CPED1: variants seen among roughly 807,000 people sequenced by gnomAD.
The protein encoded by CPED1 is cadherin-like and PC-esterase domain-containing protein 1.
Under a neutral mutation model 128.2 loss-of-function variants are expected in CPED1, and 114 were observed. That is an observed-to-expected ratio of 0.89 (90% CI 0.76 to 1.04). CPED1 has a LOEUF of 1.04. Ranked by LOEUF, CPED1 falls within the 50% of genes least tolerant of loss-of-function variation. CPED1 has a pLI of 0.00. For missense variants in CPED1, 1,211 were observed against 1,207.1 expected (o/e 1.00, Z -0.05); for synonymous variants, 462 against 426.7 (o/e 1.08, Z -1.02).
chr7:121,269,469 G>A (rs1275426869), intron 21 of CPED1, among the ~76,000 whole-genome samples: 1 of 152,014 alleles, frequency 6.6e-6, no homozygotes, highest in Admixed American at 6.6e-5. Context: ...AGAAATGCAT[G>A]TCTTTTTGGT....
chr7:121,160,220 A>G (rs1022662952), intron 16 of CPED1, among the ~76,000 whole-genome samples: 7 of 152,102 alleles, frequency 4.6e-5, no homozygotes, highest in Non-Finnish European at 1.0e-4. Context: ...TTACATCACT[A>G]TTACATTATA....
intron 16 of CPED1, among the ~76,000 whole-genome samples, chr7:121,155,736 C>G (rs1387148019): frequency 3.3e-5 from 5 of 152,092 alleles, no homozygotes; most frequent in Admixed American, 3.3e-4. Flanking sequence ...AATCTGAAAC[C>G]TGAAACTATA....
chr7:121,271,811 G>A (rs1792234861), intron 22 of CPED1, among the ~76,000 whole-genome samples: 1 of 152,122 alleles, frequency 6.6e-6, no homozygotes, highest in Admixed American at 6.6e-5. Context: ...ACTACTTAAT[G>A]TGCTAAACTA....
intron 16 of CPED1, among the ~76,000 whole-genome samples, chr7:121,228,521 CTT>C (rs1330855360): frequency 6.7e-6 from 1 of 148,410 alleles, no homozygotes; most frequent in Non-Finnish European, 1.5e-5. Context: ...AAAGAGAACT[CTT>C]ATACACTCTT....
chr7:121,031,012 C>T lies in CPED1; in HGVS notation c.433+15164C>T, dbSNP rs115434526. On this transcript the variant is annotated intron_variant, in intron 3 of 22. Transcript: ENST00000310396. ...TTCATGTCATAAATGGTGGAGTTGA[C>T]GCTTGACCCAAGGGTCAGTTTATCA... Among the ~76,000 whole-genome samples the T allele has an allele frequency of 4.4e-3, 676 of 152,294 alleles. 5 individuals carry two copies. Among genetic ancestry groups the T allele is most frequent in the African/African-American group, 0.015 (634 of 41,558 alleles).
intron 5 of CPED1, among the ~76,000 whole-genome samples, chr7:121,084,664 T>A (rs1265901121): frequency 6.6e-6 from 1 of 152,192 alleles, no homozygotes; most frequent in Non-Finnish European, 1.5e-5. Context: ...ATAAAACTGA[T>A]TAAAATGAGT....
At chr7:121,293,799 G>A (rs986356825) in intron 22 of CPED1, among the ~76,000 whole-genome samples, 3 of 151,796 alleles carry the variant, frequency 2.0e-5, no homozygotes, top group South Asian at 2.1e-4. Flanking sequence ...GTGAGGCAAC[G>A]CCTCACCCTG....
chr7:121,082,065 G>A (rs922476346), intron 5 of CPED1, among the ~76,000 whole-genome samples: 4 of 152,134 alleles, frequency 2.6e-5, no homozygotes, highest in Non-Finnish European at 5.9e-5. Flanking sequence ...CAGAAATCAG[G>A]AATCCTATGG....
intron 3 of CPED1, among the ~76,000 whole-genome samples, chr7:121,037,245 T>C (rs1272247693): frequency 6.6e-6 from 1 of 152,192 alleles, no homozygotes; most frequent in Non-Finnish European, 1.5e-5. Context: ...TTTCTGATGT[T>C]GTCTTCTAGA....
At position 121,199,673 on chromosome 7, in the gene CPED1, C is replaced by CA. The variant is rs1160203035; in HGVS notation, c.2056-37014dup. The stretch of plus-strand genomic sequence containing the variant: ...GCCTGGCAACAGAGTGAGACTCCAT[C>CA]AAAAAAAAAAAAAAAAAAAAAAAAA... On this transcript the variant is annotated intron_variant, in intron 16 of 22. Transcript: ENST00000310396. 1.6e-4 allele frequency among the ~76,000 whole-genome samples: 14 copies of CA among 86,938 alleles called. 1 individual carries two copies. Among genetic ancestry groups the CA allele is most frequent in the African/African-American group, 6.5e-4 (14 of 21,652 alleles). 57.0% of individuals were successfully genotyped at this position (86,938 alleles called of 152,430 possible). A position where few individuals can be genotyped will look rare whatever the true frequency, so the allele number is the denominator to read the frequency against.
chr7:121,229,376 C>T (rs866796126), intron 16 of CPED1, among the ~76,000 whole-genome samples: 28 of 151,962 alleles, frequency 1.8e-4, no homozygotes, highest in African/African-American at 6.5e-4. Context: ...ACATCTTCAG[C>T]ATGAATCACA....
intron 18 of CPED1, among the ~76,000 whole-genome samples, chr7:121,254,753 T>A (rs920787011): frequency 6.6e-6 from 1 of 151,734 alleles, no homozygotes; most frequent in African/African-American, 2.4e-5. Context: ...ATACAAAAGA[T>A]CCTCAGAGAA....
At chr7:121,242,119 C>T (rs1798409986) in intron 17 of CPED1, among the ~76,000 whole-genome samples, 1 of 152,108 alleles carries the variant, frequency 6.6e-6, no homozygotes, top group Non-Finnish European at 1.5e-5. Flanking sequence ...TCTCCAAAGC[C>T]CCAACTCTTT....
intron 5 of CPED1, among the ~76,000 whole-genome samples, chr7:121,074,585 G>A (rs1794077616): frequency 8.0e-6 from 1 of 124,494 alleles, no homozygotes; most frequent in South Asian, 2.6e-4. Flanking sequence ...TCTCCTCAAT[G>A]ATTTTCTTAA....
intron 12 of CPED1, among the ~76,000 whole-genome samples, chr7:121,133,245 A>C (rs1394084375): frequency 2.0e-5 from 3 of 152,044 alleles, no homozygotes; most frequent in African/African-American, 7.2e-5. Context: ...TTTTGGTCCC[A>C]AATTTGAGGA....
At chr7:121,186,974 C>T (rs2116514991) in intron 16 of CPED1, among the ~76,000 whole-genome samples, 1 of 152,306 alleles carries the variant, frequency 6.6e-6, no homozygotes, top group South Asian at 2.1e-4. Context: ...TATAAACTGG[C>T]CAAACCTGGG....
At chr7:121,066,110 G>A (rs759358901) in intron 5 of CPED1, among the ~76,000 whole-genome samples, 1 of 152,200 alleles carries the variant, frequency 6.6e-6, no homozygotes, top group African/African-American at 2.4e-5. Context: ...AGGTAGTGAC[G>A]TGTCAGCACC....
chr7:121,084,248 C>T (rs552554481), intron 5 of CPED1, among the ~76,000 whole-genome samples: 1 of 152,162 alleles, frequency 6.6e-6, no homozygotes, highest in African/African-American at 2.4e-5. Context: ...TTCATTGACA[C>T]CTGGTTGATC....
intron 4 of CPED1, chr7:121,051,252 T>A (rs561389390): frequency 2.8e-5 from 13 of 471,964 alleles, no homozygotes; most frequent in South Asian, 2.1e-4. Flanking sequence ...TCCCCTCTTG[T>A]ACAATCCAGA....
Sources: allele counts gnomAD v4.1 joint callset (sites outside exome capture counted in the v4.1 genomes callset), GRCh38; gene constraint gnomAD v4.1.1; transcripts MANE v1.5; gene names NCBI Gene and HGNC (gene_info 2026-07-23, HGNC 2026-07-21).